ORC1: variants seen among roughly 807,000 people sequenced by gnomAD.
The protein encoded by ORC1 is origin recognition complex, subunit 1 homolog.
Under a neutral mutation model 98.9 loss-of-function variants are expected in ORC1, and 61 were observed. The ratio of observed to expected loss-of-function variants is 0.62; its 90% CI spans 0.50 to 0.76. ORC1 has a LOEUF of 0.76. Among genes scored for constraint, ORC1 ranks in the 30% least tolerant of loss-of-function variants. The pLI, the probability that ORC1 is intolerant of heterozygous loss-of-function variation, is 0.00. For missense variants in ORC1, 979 were observed against 1,072.2 expected, an observed-to-expected ratio of 0.91 and a Z score of 1.21; for synonymous variants, 385 against 406.9, an observed-to-expected ratio of 0.95 and a Z score of 0.65.
rs1647278145 is a variant in ORC1, at chr1:52,393,699, T to C, written c.826A>G (p.Lys276Glu). The C allele has an allele frequency of 1.9e-6, 3 of 1,614,056 alleles. No individual in the cohort carries two copies. The highest frequency in any genetic ancestry group is 2.5e-6 in the Non-Finnish European group (3 of 1,179,990). ...VAFSEITSPS[K>E]RSQPDKLQTL... ...TGAAGTTTATCAGGCTGAGATCTCT[T>C]AGAAGGTGAGGTGATCTCCGAGAAG... Residue 276 changes from lysine (K) to glutamate (E), a missense_variant, in exon 6 of 17, where the codon AAG becomes GAG. Coordinates refer to ENST00000371568, the MANE Select transcript of ORC1 (RefSeq NM_004153.4).
chr1:52,374,090 T>G (rs1646966424), intron 16 of ORC1, among the ~76,000 whole-genome samples: 1 of 152,170 alleles, frequency 6.6e-6, no homozygotes, highest in Non-Finnish European at 1.5e-5. Flanking sequence ...TTCATCACAG[T>G]TAATGGCACA....
At chr1:52,390,901 GAAAA>G (rs112674214) in intron 6 of ORC1, among the ~76,000 whole-genome samples, 23 of 77,454 alleles carry the variant, frequency 3.0e-4, no homozygotes, top group African/African-American at 8.5e-4. Context: ...TCCAAAAAAA[GAAAA>G]AAAAAAAAAA....
At chr1:52,385,765 T>G in intron 9 of ORC1, 87 bp downstream of exon 9, 1 of 851,192 alleles carries the variant, frequency 1.2e-6, no homozygotes, top group Non-Finnish European at 2.0e-6. Flanking sequence ...CTTTATTAGG[T>G]AGACCAGTGA....
chr1:52,387,739 T>C (rs919235276), intron 8 of ORC1, among the ~76,000 whole-genome samples: 4 of 152,164 alleles, frequency 2.6e-5, no homozygotes, highest in Non-Finnish European at 2.9e-5. Context: ...ATTACACGCA[T>C]GAGCCACCAT....
chr1:52,385,728 A>G, intron 9 of ORC1, 124 bp downstream of exon 9: 2 of 745,334 alleles, frequency 2.7e-6, no homozygotes, highest in Non-Finnish European at 4.8e-6. Flanking sequence ...CTAGATAGGT[A>G]AAAGTATAGA....
rs1647704431 is a variant in ORC1 at position 52,401,468 on chromosome 1, TTC to T, written c.115_116del (p.Glu39ArgfsTer17). ...GGATGTGAATCTCGGTGGAACAACC[TTC>T]TGTTTTCACACACATTTCTCTAGGA... ...QTYREMCVKT[E>X]GCSTEIHIQI... On this transcript the variant is annotated frameshift_variant, in exon 3 of 17. Coordinates refer to ENST00000371568, the MANE Select transcript of ORC1 (RefSeq NM_004153.4). LOFTEE classifies it high-confidence loss of function. The T allele has an allele frequency of 6.2e-7, 1 of 1,612,924 alleles. No homozygotes were observed. Among genetic ancestry groups the T allele is most frequent in the Non-Finnish European group, 8.5e-7 (1 of 1,179,648 alleles).
chr1:52,397,773 C>T lies in ORC1; in HGVS notation c.314G>A (p.Arg105Gln), dbSNP rs143141689. The change falls in exon 4 of 17, where the codon CGG (arginine) becomes CAG (glutamine). Residue 105 changes from arginine (R) to glutamine (Q), a missense_variant. Coordinates refer to ENST00000371568, the MANE Select transcript of ORC1 (RefSeq NM_004153.4). Reference sequence around the variant, plus strand: ...GAATATTTCCTGTGCACCAGGCTTCCGGCCCAACAAATGCCGTTTACAGGC... The same window carrying T: ...GAATATTTCCTGTGCACCAGGCTTCTGGCCCAACAAATGCCGTTTACAGGC... ...VPACKRHLLG[R>Q]KPGAQEIFWY... The T allele has an allele frequency of 3.0e-4, 480 of 1,614,036 alleles. No individual in the cohort carries two copies. The highest frequency in any genetic ancestry group is 3.7e-4 in the Non-Finnish European group (440 of 1,179,994).
At chr1:52,397,967 GTTTTGTT>G (rs1316653316) in intron 3 of ORC1, 104 bp from the exon 4 acceptor site, 18 of 1,181,926 alleles carry the variant, frequency 1.5e-5, no homozygotes, top group Non-Finnish European at 2.0e-5. Flanking sequence ...GACATGTGTG[GTTTTGTT>G]TTTTGTTTTT....
At chr1:52,399,662 G>T (rs1206632284) in intron 3 of ORC1, among the ~76,000 whole-genome samples, 2 of 149,866 alleles carry the variant, frequency 1.3e-5, no homozygotes, top group Non-Finnish European at 3.0e-5. Context: ...AAGAAAATTA[G>T]CTGGGCATGG....
intron 8 of ORC1, 134 bp downstream of exon 8, chr1:52,388,308 C>G (rs1466461546): frequency 1.8e-5 from 15 of 834,978 alleles, no homozygotes; most frequent in Non-Finnish European, 8.4e-6. Context: ...CATGAATATT[C>G]CACAAAGAAT....
intron 5 of ORC1, among the ~76,000 whole-genome samples, chr1:52,394,313 G>A (rs919396391): frequency 6.6e-6 from 1 of 152,190 alleles, no homozygotes; most frequent in Non-Finnish European, 1.5e-5. Flanking sequence ...CCCTCATCAC[G>A]AGGACCACAG....
chr1:52,378,498 A>C (rs527872822), intron 14 of ORC1, among the ~76,000 whole-genome samples: 1 of 151,584 alleles, frequency 6.6e-6, no homozygotes, highest in South Asian at 2.1e-4. Flanking sequence ...CGCCTCTACT[A>C]AAAATACAAA....
chr1:52,384,108 A>G (rs1343220906), intron 11 of ORC1, among the ~76,000 whole-genome samples, 171 bp from the exon 12 acceptor site: 1 of 152,204 alleles, frequency 6.6e-6, no homozygotes, highest in Non-Finnish European at 1.5e-5. Flanking sequence ...AAGGCACCGA[A>G]AGAGAAGATA....
At chr1:52,393,895 T>G in intron 5 of ORC1, 92 bp from the exon 6 acceptor site, 1 of 1,324,986 alleles carries the variant, frequency 7.5e-7, no homozygotes, top group Non-Finnish European at 1.1e-6. Context: ...CTGAGTTATA[T>G]GTAAAACAGG....
chr1:52,376,261 T>TC (rs1646993775), intron 14 of ORC1, among the ~76,000 whole-genome samples: 2 of 152,206 alleles, frequency 1.3e-5, no homozygotes, highest in South Asian at 4.1e-4. Flanking sequence ...ACACCTGTAA[T>TC]CCTAGCACTT....
chr1:52,378,499 A>T (rs180969372), intron 14 of ORC1, among the ~76,000 whole-genome samples: 1 of 151,692 alleles, frequency 6.6e-6, no homozygotes, highest in South Asian at 2.1e-4. Flanking sequence ...GCCTCTACTA[A>T]AAATACAAAA....
chr1:52,398,462 C>T (rs566396581), intron 3 of ORC1, among the ~76,000 whole-genome samples: 1 of 152,096 alleles, frequency 6.6e-6, no homozygotes, highest in South Asian at 2.1e-4. Context: ...TAGGGTTTCA[C>T]CATGTTGGCC....
intron 5 of ORC1, among the ~76,000 whole-genome samples, chr1:52,394,028 T>C (rs898018785): frequency 2.6e-5 from 4 of 152,246 alleles, no homozygotes; most frequent in African/African-American, 9.6e-5. Flanking sequence ...AGTCAACTTT[T>C]AAGTCAGCTT....
In ORC1 at chr1:52,400,313, G is replaced by A. The variant is rs1647644648; in HGVS notation, c.223+1049C>T. Among the ~76,000 whole-genome samples the A allele has an allele frequency of 2.0e-5, 3 of 152,266 alleles. No homozygotes were observed. The South Asian group carries it at 6.2e-4, about 32-fold the overall frequency. On this transcript the variant is annotated intron_variant, in intron 3 of 16. Coordinates refer to ENST00000371568, the MANE Select transcript of ORC1 (RefSeq NM_004153.4). The stretch of plus-strand genomic sequence containing the variant: ...CATACTGTACAGCACGGATACACTG[G>A]ACAAAGGGATGACTCACATTTCAGG...
Sources: gnomAD v4.1 joint callset for allele counts (sites outside exome capture counted in the v4.1 genomes callset) on GRCh38, gnomAD v4.1.1 for gene constraint, MANE v1.5 for transcripts, NCBI Gene and HGNC (gene_info 2026-07-23, HGNC 2026-07-21) for gene names.